Variants in SDK2 observed in about 807,000 individuals in gnomAD.
SDK2 encodes sidekick cell adhesion molecule 2, also known as protein sidekick-2.
Under a neutral mutation model 253.9 loss-of-function variants are expected in SDK2, and 105 were observed. The ratio of observed to expected loss-of-function variants is 0.41; its 90% CI spans 0.35 to 0.49. The LOEUF (loss-of-function observed/expected upper bound fraction) is 0.49. Among genes scored for constraint, SDK2 ranks in the 20% least tolerant of loss-of-function variants. The pLI is 0.06. For synonymous variants in SDK2, 1,249 were observed against 1,234.9 expected (o/e 1.01, Z -0.24); for missense variants, 2,608 against 3,003.0 (o/e 0.87, Z 3.07).
At chr17:73,582,776 T>C (rs1460156824) in intron 1 of SDK2, among the ~76,000 whole-genome samples, 1 of 152,148 alleles carries the variant, frequency 6.6e-6, no homozygotes, top group African/African-American at 2.4e-5. Context: ...TCTAGATCTG[T>C]CCATCCAAGA....
chr17:73,459,075 C>T (rs2063547831), intron 3 of SDK2, among the ~76,000 whole-genome samples: 1 of 152,148 alleles, frequency 6.6e-6, no homozygotes, highest in South Asian at 2.1e-4. Context: ...ACCCAATCAC[C>T]TAAGCTCAAA....
intron 1 of SDK2, among the ~76,000 whole-genome samples, chr17:73,552,809 T>G (rs2045082384): frequency 6.6e-6 from 1 of 152,132 alleles, no homozygotes; most frequent in Admixed American, 6.5e-5. Context: ...ACCAACTCAT[T>G]TGCACTTCTC....
chr17:73,434,763 TG>T (rs994657116), intron 9 of SDK2, among the ~76,000 whole-genome samples: 1 of 152,188 alleles, frequency 6.6e-6, no homozygotes, highest in Non-Finnish European at 1.5e-5. Context: ...CCCTAGTACC[TG>T]GGAGTACAGG....
At chr17:73,568,790 G>A (rs1283483871) in intron 1 of SDK2, among the ~76,000 whole-genome samples, 1 of 151,784 alleles carries the variant, frequency 6.6e-6, no homozygotes, top group Non-Finnish European at 1.5e-5. Context: ...AATACAAGGA[G>A]AAGAGTCGTT....
At chr17:73,550,266 C>T (rs192137205) in intron 1 of SDK2, among the ~76,000 whole-genome samples, 2 of 152,178 alleles carry the variant, frequency 1.3e-5, no homozygotes, top group South Asian at 2.1e-4. Flanking sequence ...TGGTTCTCCC[C>T]GGCCTCCTAG....
chr17:73,436,738 C>G (rs1245755013), intron 8 of SDK2, among the ~76,000 whole-genome samples: 1 of 152,072 alleles, frequency 6.6e-6, no homozygotes, highest in Non-Finnish European at 1.5e-5. Flanking sequence ...ATCCAATCCA[C>G]CATGCGCTCT....
At chr17:73,540,916 G>A (rs111250560) in intron 1 of SDK2, among the ~76,000 whole-genome samples, 1 of 152,204 alleles carries the variant, frequency 6.6e-6, no homozygotes, top group African/African-American at 2.4e-5. Context: ...AGGAGCTGGG[G>A]CTAAGCCTGC....
chr17:73,344,796 AAC>A (rs2062468616), intron 44 of SDK2, among the ~76,000 whole-genome samples: 1 of 152,180 alleles, frequency 6.6e-6, no homozygotes, highest in Non-Finnish European at 1.5e-5. Flanking sequence ...AAAAGAGGCA[AAC>A]ACAGGCAAAA....
intron 39 of SDK2, among the ~76,000 whole-genome samples, chr17:73,360,939 A>G (rs1265957951): frequency 1.5e-5 from 2 of 136,676 alleles, no homozygotes; most frequent in African/African-American, 2.7e-5. Context: ...CTGTCTCCAG[A>G]AAAAAAAAAA....
intron 12 of SDK2, among the ~76,000 whole-genome samples, chr17:73,430,080 C>T (rs568806383): frequency 6.6e-6 from 1 of 152,328 alleles, no homozygotes; most frequent in Non-Finnish European, 1.5e-5. Context: ...TATCCGCCTG[C>T]CCAGACCCCT....
At chr17:73,428,620 G>A (rs2063302766) in intron 12 of SDK2, among the ~76,000 whole-genome samples, 1 of 152,186 alleles carries the variant, frequency 6.6e-6, no homozygotes, top group African/African-American at 2.4e-5. Context: ...AGGGAACCCT[G>A]CTGTGTTTTG....
chr17:73,553,181 G>A (rs957920665), intron 1 of SDK2, among the ~76,000 whole-genome samples: 1 of 152,200 alleles, frequency 6.6e-6, no homozygotes, highest in Admixed American at 6.5e-5. Context: ...CTTCTGGGGT[G>A]TGTGTGTGTT....
chr17:73,474,164 GC>G (rs530721671), intron 2 of SDK2, among the ~76,000 whole-genome samples: 92 of 152,246 alleles, frequency 6.0e-4, no homozygotes, highest in Non-Finnish European at 8.5e-4. Context: ...ACCGCACCCA[GC>G]CAATTTTTAA....
At position 73,639,187 on chromosome 17, in the gene SDK2, A is replaced by T. The variant is rs77811511; in HGVS notation, c.64+4838T>A. On this transcript the variant is annotated intron_variant, in intron 1 of 44. Transcript: ENST00000392650. This position sits in a 1 kb window ranked among gnomAD's most constrained non-coding sequence, Gnocchi z 4.3. ...TCAGCTCAGCATCGCCCAGTGATGG[A>T]GGCAGGATTCAAAGGGGCAGAAGCC... 0.028 allele frequency among the ~76,000 whole-genome samples: 4,223 copies of T among 152,274 alleles called. 216 individuals are homozygous for T. Among genetic ancestry groups the T allele is most frequent in the African/African-American group, 0.096 (4,008 of 41,540 alleles).
chr17:73,623,458 T>TA (rs960308547), intron 1 of SDK2, among the ~76,000 whole-genome samples: 29 of 152,214 alleles, frequency 1.9e-4, no homozygotes, highest in Admixed American at 1.2e-3. Flanking sequence ...CCAAGAGCCC[T>TA]GGGGGGAAGG....
At chr17:73,524,341 T>G (rs1898292080) in intron 1 of SDK2, among the ~76,000 whole-genome samples, 1 of 152,190 alleles carries the variant, frequency 6.6e-6, no homozygotes, top group Admixed American at 6.5e-5. Flanking sequence ...GAGACCAACA[T>G]GGCCCCCGCC....
intron 1 of SDK2, among the ~76,000 whole-genome samples, chr17:73,588,195 A>T (rs71380186): frequency 1.7e-5 from 2 of 116,752 alleles, no homozygotes; most frequent in African/African-American, 4.7e-5. Context: ...CAACATGGAG[A>T]GACCCCCCCC....
chr17:73,399,570 T>C (rs188911594), intron 21 of SDK2, among the ~76,000 whole-genome samples: 14 of 152,294 alleles, frequency 9.2e-5, no homozygotes, highest in African/African-American at 3.1e-4. Context: ...GGATGCCGCC[T>C]TCTTCCTGGC....
In SDK2 at chr17:73,338,531, A is replaced by C. The variant is rs754423459; in HGVS notation, c.*56T>G. On this transcript the variant is annotated 3_prime_UTR_variant, in exon 45 of 45. Transcript: ENST00000392650. The surrounding 1 kb of genome is among the most constrained non-coding windows in gnomAD (Gnocchi z 5.0). ...TTGTTTTCTGGCAGGCAGTGAGAGG[A>C]GGGGTGAAGGAGGAGTTTGGTGCCA... The C allele has an allele frequency of 2.4e-5, 24 of 1,012,648 alleles. No individual in the cohort carries two copies. The highest frequency in any genetic ancestry group is 3.3e-5 in the Non-Finnish European group (23 of 690,352). 62.7% of individuals were successfully genotyped at this position (1,012,648 alleles called of 1,614,324 possible).
Sources: allele counts gnomAD v4.1 joint callset (sites outside exome capture counted in the v4.1 genomes callset), GRCh38; gene constraint gnomAD v4.1.1; non-coding constraint Gnocchi (gnomAD v3.1); transcripts MANE v1.5; gene names NCBI Gene and HGNC (gene_info 2026-07-23, HGNC 2026-07-21).